The following ANO5 variants were observed in gnomAD, a reference collection of about 807,000 sequenced individuals.
ANO5 encodes the protein anoctamin-5.
Under a neutral mutation model 121.0 loss-of-function variants are expected in ANO5, and 109 were observed. The observed-to-expected ratio is 0.90, with a 90% CI of 0.77 to 1.06. The LOEUF is 1.06. ANO5 is among the 50% of genes least tolerant of loss of function. The pLI is 0.00. For synonymous variants in ANO5, 406 were observed against 359.9 expected (o/e 1.13, Z -1.45); for missense variants, 1,064 against 1,078.5 (o/e 0.99, Z 0.19).
chr11:22,194,437 T>A (rs1851747119), intron 1 of ANO5, among the ~76,000 whole-genome samples: 2 of 152,350 alleles, frequency 1.3e-5, no homozygotes, highest in African/African-American at 2.4e-5. Context: ...TTCCCTTTTT[T>A]AAGCAGCTTT....
intron 21 of ANO5, 106 bp from the exon 22 acceptor site, chr11:22,279,438 C>A: frequency 1.1e-6 from 1 of 932,956 alleles, no homozygotes; most frequent in Non-Finnish European, 1.7e-6. Context: ...CTTTCTACCT[C>A]ATATGTTGAG....
intron 1 of ANO5, among the ~76,000 whole-genome samples, chr11:22,198,592 A>C (rs1564906986): frequency 6.6e-6 from 1 of 152,178 alleles, no homozygotes; most frequent in Admixed American, 6.5e-5. Flanking sequence ...AATTAGGAAA[A>C]AGAGGGGCTA....
intron 9 of ANO5, among the ~76,000 whole-genome samples, chr11:22,242,688 A>C (rs926800283): frequency 1.3e-5 from 2 of 151,896 alleles, no homozygotes; most frequent in Non-Finnish European, 2.9e-5. Flanking sequence ...TTTGACTCTC[A>C]GCTTGAACAT....
At position 22,199,162 on chromosome 11, in the gene ANO5, C is replaced by T. The variant is rs182868065; in HGVS notation, c.41-4642C>T. On this transcript the variant is annotated intron_variant, in intron 1 of 21. Coordinates refer to ENST00000324559, the MANE Select transcript of ANO5 (RefSeq NM_213599.3). The stretch of plus-strand genomic sequence containing the variant: ...GATCTGAATACAGAAGGAGTTATTT[C>T]GATTTTATTCTGACATTCTGAAACT... Among the ~76,000 whole-genome samples, 124 of 152,226 alleles carry T rather than the reference C, an allele frequency of 8.1e-4. 1 individual carries two copies. The highest frequency in any genetic ancestry group is 3.4e-3 in the Middle Eastern group (1 of 294).
intron 12 of ANO5, among the ~76,000 whole-genome samples, chr11:22,252,740 G>A (rs976409090): frequency 2.0e-5 from 3 of 151,584 alleles, no homozygotes; most frequent in Non-Finnish European, 2.9e-5. Context: ...TTTAGAAAAC[G>A]TTCCCCACTG....
chr11:22,206,342 AG>A (rs1392444330), intron 2 of ANO5, among the ~76,000 whole-genome samples: 3 of 10,364 alleles, frequency 2.9e-4, no homozygotes, highest in Admixed American at 1.9e-3. Flanking sequence ...AAAGGGACAG[AG>A]TCTTGCTCTG....
chr11:22,220,958 A>G (rs1852622932), intron 4 of ANO5, 139 bp from the exon 5 acceptor site: 2 of 660,952 alleles, frequency 3.0e-6, no homozygotes, highest in East Asian at 5.6e-5. Flanking sequence ...ATTTCACTTT[A>G]TAAAACAAAG....
At chr11:22,231,276 CA>C (rs1853032352) in intron 7 of ANO5, among the ~76,000 whole-genome samples, 1 of 151,804 alleles carries the variant, frequency 6.6e-6, no homozygotes, top group African/African-American at 2.4e-5. Context: ...ATTATTTCAT[CA>C]CATCATTTTA....
At chr11:22,252,056 A>AAAAAAAAAAAAAAAAAAAAAG (rs1853841998) in intron 12 of ANO5, among the ~76,000 whole-genome samples, 1 of 139,606 alleles carries the variant, frequency 7.2e-6, no homozygotes, top group African/African-American at 2.9e-5. Context: ...AAAAAAAAAA[A>AAAAAAAAAAAAAAAAAAAAAG]AAACTAGGCA....
rs1854664181 is a variant in ANO5 at position 22,272,656 on chromosome 11, G to T, written c.2030-128G>T. On this transcript the variant is annotated intron_variant, in intron 18 of 21. Coordinates refer to ENST00000324559, the MANE Select transcript of ANO5 (RefSeq NM_213599.3). ...TGGTAGAGGAGGAACTGGACAGACGGATGGAAGCCTGGATTGTCGTATTCG... is the reference window on the plus strand; with the variant it reads ...TGGTAGAGGAGGAACTGGACAGACGTATGGAAGCCTGGATTGTCGTATTCG... 4 of 859,856 alleles carry T rather than the reference G, an allele frequency of 4.7e-6. No individual in the cohort carries two copies. In the South Asian group the frequency reaches 5.9e-5, roughly 13 times the overall value. The allele number at this position is 859,856 out of a possible 1,614,324, so 53.3% of individuals were successfully genotyped here.
intron 7 of ANO5, among the ~76,000 whole-genome samples, chr11:22,233,002 C>A (rs926313876): frequency 6.6e-6 from 1 of 151,970 alleles, no homozygotes; most frequent in African/African-American, 2.4e-5. Flanking sequence ...CTCATAGATA[C>A]CCCTTCCCGC....
At chr11:22,210,796 G>T (rs916688994) in intron 2 of ANO5, among the ~76,000 whole-genome samples, 5 of 151,858 alleles carry the variant, frequency 3.3e-5, no homozygotes, top group Admixed American at 2.6e-4. Context: ...ATTTTCCAAG[G>T]TATTCCCTTT....
intron 17 of ANO5, 115 bp from the exon 18 acceptor site, chr11:22,270,197 G>A (rs763925004): frequency 7.4e-7 from 1 of 1,356,594 alleles, no homozygotes; most frequent in Non-Finnish European, 1.0e-6. Flanking sequence ...TTTGCTCTGT[G>A]ATCTTAAGTT....
intron 9 of ANO5, among the ~76,000 whole-genome samples, chr11:22,249,967 A>T (rs75979624): frequency 6.6e-6 from 1 of 152,170 alleles, no homozygotes; most frequent in Non-Finnish European, 1.5e-5. Flanking sequence ...TTTTAAAGTT[A>T]AATTCCGTTT....
intron 21 of ANO5, chr11:22,278,039 AT>A (rs1330505429): frequency 6.6e-6 from 1 of 151,682 alleles, no homozygotes; most frequent in Non-Finnish European, 1.5e-5. Flanking sequence ...TCTTAAAAAA[AT>A]TTTTAATCAA....
At chr11:22,254,689 G>T (rs911102349) in intron 12 of ANO5, among the ~76,000 whole-genome samples, 1 of 151,508 alleles carries the variant, frequency 6.6e-6, no homozygotes, top group Non-Finnish European at 1.5e-5. Flanking sequence ...TGGTTATATG[G>T]GTATATTTAT....
intron 1 of ANO5, among the ~76,000 whole-genome samples, chr11:22,197,163 T>C (rs1344090220): frequency 6.6e-6 from 1 of 152,224 alleles, no homozygotes; most frequent in Admixed American, 6.5e-5. Context: ...TTAATAGATC[T>C]AAGATTTATT....
intron 3 of ANO5, among the ~76,000 whole-genome samples, chr11:22,212,286 A>T (rs545625156): frequency 4.9e-4 from 74 of 149,732 alleles, no homozygotes; most frequent in South Asian, 1.2e-3. Context: ...AATCTGTCTT[A>T]GGTTGAAAAT....
chr11:22,280,025 G>A lies in ANO5; in HGVS notation c.*260G>A, dbSNP rs1855025665. ...GCTGTAAATGACTGTTGAAAGTGCAGGTAGAATCAGAATACTGGGAAATTA... is the reference window on the plus strand; with the variant it reads ...GCTGTAAATGACTGTTGAAAGTGCAAGTAGAATCAGAATACTGGGAAATTA... On this transcript the variant is annotated 3_prime_UTR_variant, in exon 22 of 22. Coordinates refer to ENST00000324559, the MANE Select transcript of ANO5 (RefSeq NM_213599.3). The A allele has an allele frequency of 2.2e-6, 1 of 452,474 alleles. No individual in the cohort carries two copies. The highest frequency in any genetic ancestry group is 2.7e-5 in the South Asian group (1 of 37,500). The allele number at this position is 452,474 out of a possible 1,614,324, so 28.0% of individuals were successfully genotyped here.
Sources: gnomAD v4.1 joint callset for allele counts (sites outside exome capture counted in the v4.1 genomes callset) on GRCh38, gnomAD v4.1.1 for gene constraint, MANE v1.5 for transcripts, NCBI Gene and HGNC (gene_info 2026-07-23, HGNC 2026-07-21) for gene names.